The following DPP10 variants were observed in gnomAD, a reference collection of about 807,000 sequenced individuals.
DPP10 encodes inactive dipeptidyl peptidase 10.
In DPP10, 33 loss-of-function variants were observed where a neutral mutation model predicts 120.9. The ratio of observed to expected loss-of-function variants is 0.27; its 90% confidence interval spans 0.21 to 0.37. The LOEUF (loss-of-function observed/expected upper bound fraction) is 0.37, where lower values mean the gene tolerates loss of function less well. Ranked by LOEUF, DPP10 falls within the 10% of genes least tolerant of loss-of-function variation. DPP10 has a pLI of 1.00. For missense variants in DPP10, 816 were observed against 942.8 expected, an observed-to-expected ratio of 0.87 and a Z score of 1.76; for synonymous variants, 337 against 326.1, an observed-to-expected ratio of 1.03 and a Z score of -0.36.
At chr2:114,547,208 G>A (rs750588133) in intron 1 of DPP10, among the ~76,000 whole-genome samples, 8 of 152,220 alleles carry the variant, frequency 5.3e-5, no homozygotes, top group African/African-American at 1.2e-4. Context: ...GAAGCCCAAT[G>A]GGACGCTGGA....
chr2:115,260,011 A>T (rs1477786932), intron 1 of DPP10, among the ~76,000 whole-genome samples: 7 of 151,462 alleles, frequency 4.6e-5, no homozygotes, highest in Admixed American at 3.9e-4. Context: ...TTTAAAAATG[A>T]TATGTTTAAA....
At chr2:114,662,396 G>T (rs1697489556) in intron 1 of DPP10, among the ~76,000 whole-genome samples, 1 of 152,204 alleles carries the variant, frequency 6.6e-6, no homozygotes, top group Non-Finnish European at 1.5e-5. Context: ...TGCCCGCGCC[G>T]CCCTGAGCAC....
intron 1 of DPP10, among the ~76,000 whole-genome samples, chr2:114,727,161 A>C (rs963943078): frequency 6.6e-6 from 1 of 152,186 alleles, no homozygotes; most frequent in Non-Finnish European, 1.5e-5. Context: ...CTGTAGAGGC[A>C]GTAGGCTGGG....
At chr2:115,261,603 G>T (rs2105752926) in intron 1 of DPP10, among the ~76,000 whole-genome samples, 1 of 152,240 alleles carries the variant, frequency 6.6e-6, no homozygotes, top group African/African-American at 2.4e-5. Flanking sequence ...CAAGGGGAGG[G>T]AATTTATTTT....
chr2:115,196,729 T>C (rs2055301668), intron 1 of DPP10, among the ~76,000 whole-genome samples: 1 of 152,214 alleles, frequency 6.6e-6, no homozygotes, highest in Non-Finnish European at 1.5e-5. Flanking sequence ...TTGGAGATTG[T>C]TAAGGCATTC....
intron 1 of DPP10, among the ~76,000 whole-genome samples, chr2:114,721,346 G>A (rs1164279146): frequency 6.6e-6 from 1 of 152,232 alleles, no homozygotes; most frequent in Non-Finnish European, 1.5e-5. Context: ...GCTTCCAAAA[G>A]AGATCTTGCT....
rs561872584 is a variant in DPP10, at chr2:115,196,057, A to C, written c.61-113182A>C. Among the ~76,000 whole-genome samples the C allele has an allele frequency of 3.9e-5, 6 of 152,310 alleles. No homozygotes were observed. The East Asian group carries it at 1.2e-3, about 29-fold the overall frequency. On this transcript the variant is annotated intron_variant, in intron 1 of 25. Transcript: ENST00000410059. The stretch of plus-strand genomic sequence containing the variant: ...AGTGTTTTCAGTGTTGTTGAGGAAA[A>C]AGTATACATCTCATTGAAGTGTCCT...
At chr2:114,789,650 G>A (rs1008704558) in intron 1 of DPP10, among the ~76,000 whole-genome samples, 11 of 152,316 alleles carry the variant, frequency 7.2e-5, no homozygotes, top group South Asian at 2.1e-4. Context: ...CCTGAAGTAC[G>A]TGAGGTATGG....
intron 1 of DPP10, among the ~76,000 whole-genome samples, chr2:115,127,832 G>A (rs2050153325): frequency 6.6e-6 from 1 of 152,076 alleles, no homozygotes; most frequent in African/African-American, 2.4e-5. Flanking sequence ...TTTTAAATGG[G>A]TGTGTGAACA....
At position 114,526,503 on chromosome 2, in the gene DPP10, C is replaced by A. The variant is rs758021985; in HGVS notation, c.60+83665C>A. Among the ~76,000 whole-genome samples the A allele has an allele frequency of 2.0e-4, 30 of 152,112 alleles. 1 individual carries two copies. Among genetic ancestry groups the A allele is most frequent in the Non-Finnish European group, 3.7e-4 (25 of 68,018 alleles). ...AATCTAAAATATCCCATAGAAAACA[C>A]CTTTATGTGTTGCCCTAGGTCACTG... is the stretch of plus-strand genomic sequence containing the variant. On this transcript the variant is annotated intron_variant, in intron 1 of 25. Coordinates refer to ENST00000410059, the MANE Select transcript of DPP10 (RefSeq NM_020868.6).
At chr2:114,856,421 G>A (rs1689371907) in intron 1 of DPP10, among the ~76,000 whole-genome samples, 1 of 152,142 alleles carries the variant, frequency 6.6e-6, no homozygotes, top group Admixed American at 6.6e-5. Flanking sequence ...GAGACAATAT[G>A]TCAATATTTC....
intron 2 of DPP10, among the ~76,000 whole-genome samples, chr2:115,336,731 T>A (rs777532899): frequency 2.6e-5 from 4 of 151,922 alleles, no homozygotes; most frequent in Non-Finnish European, 4.4e-5. Context: ...TTTCTTTACA[T>A]TAGGGACTAA....
intron 1 of DPP10, among the ~76,000 whole-genome samples, chr2:114,460,405 G>T (rs886719524): frequency 6.6e-6 from 1 of 152,064 alleles, no homozygotes; most frequent in African/African-American, 2.4e-5. Context: ...TATAGCTAGG[G>T]TTTAATTACA....
chr2:114,965,228 C>A (rs1412240037), intron 1 of DPP10, among the ~76,000 whole-genome samples: 2 of 152,002 alleles, frequency 1.3e-5, no homozygotes, highest in Non-Finnish European at 2.9e-5. Context: ...CCTCTGCCTC[C>A]CGGGTTCAAG....
intron 5 of DPP10, among the ~76,000 whole-genome samples, chr2:115,561,974 T>C (rs537203356): frequency 2.0e-5 from 3 of 152,202 alleles, no homozygotes; most frequent in African/African-American, 7.2e-5. Context: ...CCTTCCTTTC[T>C]GTGAAATCTG....
At chr2:114,489,330 C>T (rs1010883578) in intron 1 of DPP10, among the ~76,000 whole-genome samples, 1 of 152,070 alleles carries the variant, frequency 6.6e-6, no homozygotes, top group Non-Finnish European at 1.5e-5. Flanking sequence ...CCAAGTTCAG[C>T]TGTCAAACAG....
chr2:114,956,923 A>G (rs1353421035), intron 1 of DPP10, among the ~76,000 whole-genome samples: 1 of 151,768 alleles, frequency 6.6e-6, no homozygotes, highest in African/African-American at 2.4e-5. Flanking sequence ...CACACCATAT[A>G]AAAAATATCA....
At chr2:115,708,878 G>A (rs759590462) in intron 7 of DPP10, among the ~76,000 whole-genome samples, 1 of 151,998 alleles carries the variant, frequency 6.6e-6, no homozygotes, top group Non-Finnish European at 1.5e-5. Context: ...GATGAAGAAT[G>A]TACTGGAAAA....
chr2:115,713,570 T>C (rs1052098418), intron 7 of DPP10, among the ~76,000 whole-genome samples: 1 of 152,188 alleles, frequency 6.6e-6, no homozygotes, highest in African/African-American at 2.4e-5. Context: ...ACTTAGTTGC[T>C]GTGATGATGG....
Sources: gnomAD v4.1 joint callset for allele counts (sites outside exome capture counted in the v4.1 genomes callset) on GRCh38, gnomAD v4.1.1 for gene constraint, MANE v1.5 for transcripts, NCBI Gene and HGNC (gene_info 2026-07-23, HGNC 2026-07-21) for gene names.